The following SBNO2 variants were observed in gnomAD, a reference collection of about 807,000 sequenced individuals.
The protein encoded by SBNO2 is strawberry notch homolog 2.
Under a neutral mutation model 146.3 loss-of-function variants are expected in SBNO2, and 89 were observed. The observed-to-expected ratio is 0.61, with a 90% CI of 0.51 to 0.73. SBNO2 has a LOEUF of 0.73. Among genes scored for constraint, SBNO2 ranks in the 30% least tolerant of loss-of-function variants. The pLI, the probability that SBNO2 is intolerant of heterozygous loss-of-function variation, is 0.00. For synonymous variants in SBNO2, 1,147 were observed against 892.6 expected (o/e 1.29, Z -5.08); for missense variants, 2,092 against 2,003.7 (o/e 1.04, Z -0.84).
At chr19:1,168,707 G>A (rs1383457036) in intron 1 of SBNO2, 1 of 152,290 alleles carries the variant, frequency 6.6e-6, no homozygotes, top group Non-Finnish European at 1.5e-5. Context: ...ACATGCAAAG[G>A]AAGACGCCTC....
In SBNO2 at chr19:1,136,535, G is replaced by T. The variant is rs929469391; in HGVS notation, c.280-8770C>A. Among the ~76,000 whole-genome samples the T allele has an allele frequency of 6.6e-6, 1 of 152,244 alleles. No homozygotes were observed. The highest frequency in any genetic ancestry group is 2.4e-5 in the African/African-American group (1 of 41,462). On this transcript the variant is annotated intron_variant, in intron 4 of 31. Transcript: ENST00000361757. The surrounding 1 kb of genome is among the most constrained non-coding windows in gnomAD (Gnocchi z 4.2). ...GGCGGAGGCTCCTCCTCCCGGGGGGGCTGTGGCCTCAGCACAGACCAGGGG... is the reference window on the plus strand; with the variant it reads ...GGCGGAGGCTCCTCCTCCCGGGGGGTCTGTGGCCTCAGCACAGACCAGGGG...
intron 17 of SBNO2, 114 bp downstream of exon 17, chr19:1,115,907 C>T (rs1258311741): frequency 1.4e-5 from 12 of 851,228 alleles, no homozygotes; most frequent in Admixed American, 2.0e-5. Flanking sequence ...CGGACAGGAC[C>T]TGCATTTGGC....
At chr19:1,172,838 C>A (rs2080493950) in intron 1 of SBNO2, among the ~76,000 whole-genome samples, 1 of 146,652 alleles carries the variant, frequency 6.8e-6, no homozygotes, top group Non-Finnish European at 1.5e-5. Context: ...CGAGGCCGGG[C>A]ACTCTCGCTG....
rs1244242024 is a variant in SBNO2 at position 1,146,827 on chromosome 19, CTGATGCCGCAGTGGGAGGCTGGG to C, written c.279+459_279+481del. ...CTGGGAGGGTGGGGGTGGGGTCCGC[CTGATGCCGCAGTGGGAGGCTGGG>C]AGCCTCCCCGCGACCCTGGGGAGAA... On this transcript the variant is annotated intron_variant, in intron 4 of 31. Transcript: ENST00000361757. Among the ~76,000 whole-genome samples the C allele has an allele frequency of 2.0e-5, 3 of 150,820 alleles. No individual in the cohort carries two copies. The East Asian group carries it at 6.0e-4, about 30-fold the overall frequency.
In SBNO2 at chr19:1,109,462, C is replaced by A; in HGVS notation, c.3217-39G>T. On this transcript the variant is annotated intron_variant, in intron 28 of 31. Coordinates refer to ENST00000361757, the MANE Select transcript of SBNO2 (RefSeq NM_014963.3). This position sits in a 1 kb window ranked among gnomAD's most constrained non-coding sequence, Gnocchi z 4.2. ...CGTTGAGGCCGCGCCCCGGTCCGCCCCCCGCGGGCCCTCCTCTGGGGGGGT... is the reference window on the plus strand; with the variant it reads ...CGTTGAGGCCGCGCCCCGGTCCGCCACCCGCGGGCCCTCCTCTGGGGGGGT... The A allele has an allele frequency of 1.3e-6, 2 of 1,566,524 alleles. No individual in the cohort carries two copies. Among genetic ancestry groups the A allele is most frequent in the Non-Finnish European group, 8.6e-7 (1 of 1,157,004 alleles).
intron 4 of SBNO2, among the ~76,000 whole-genome samples, chr19:1,139,205 G>A (rs2080112808): frequency 6.6e-6 from 1 of 152,212 alleles, no homozygotes; most frequent in Admixed American, 6.5e-5. Flanking sequence ...GATGTACCTT[G>A]AGGACATCAC....
chr19:1,139,334 G>A (rs2080114030), intron 4 of SBNO2, among the ~76,000 whole-genome samples: 1 of 152,182 alleles, frequency 6.6e-6, no homozygotes, highest in African/African-American at 2.4e-5. Context: ...CCGGGGCAGG[G>A]GAGGGATGGG....
At chr19:1,129,799 C>T (rs2080007705) in intron 4 of SBNO2, among the ~76,000 whole-genome samples, 1 of 152,138 alleles carries the variant, frequency 6.6e-6, no homozygotes, top group South Asian at 2.1e-4. Flanking sequence ...GCAGGCAGAG[C>T]GGAGGAGAGC....
intron 17 of SBNO2, chr19:1,115,328 C>T: frequency 6.6e-6 from 1 of 151,990 alleles, no homozygotes; most frequent in Non-Finnish European, 1.5e-5. Context: ...GCAATCTCCA[C>T]CTCTCAGGTT....
In SBNO2 at chr19:1,136,075, G is replaced by A. The variant is rs938179657; in HGVS notation, c.280-8310C>T. ...TGTTCTGTGCCTGGTGTCCTCATTC[G>A]AAGGAGACACAGTCCCGGGGAGGAG... On this transcript the variant is annotated intron_variant, in intron 4 of 31. Transcript: ENST00000361757. The surrounding 1 kb of genome is among the most constrained non-coding windows in gnomAD (Gnocchi z 4.2). 3.9e-5 allele frequency among the ~76,000 whole-genome samples: 6 copies of A among 152,082 alleles called. No homozygotes were observed. Among genetic ancestry groups the A allele is most frequent in the Admixed American group, 2.0e-4 (3 of 15,272 alleles).
chr19:1,127,010 A>G (rs1377463017), intron 5 of SBNO2, among the ~76,000 whole-genome samples: 1 of 152,024 alleles, frequency 6.6e-6, no homozygotes. Context: ...CCAGCCCCTC[A>G]GCCCCCACGG....
chr19:1,123,481 C>T, intron 7 of SBNO2, 53 bp downstream of exon 7: 1 of 1,504,386 alleles, frequency 6.6e-7, no homozygotes, highest in Admixed American at 1.7e-5. Flanking sequence ...GGGTCTCGGT[C>T]CCACAAAAGG....
Position 1,108,227 on chromosome 19 carries a change from G to A in SBNO2, c.4094C>T (p.Pro1365Leu), listed in dbSNP as rs1338021741. The A allele has an allele frequency of 1.9e-5, 29 of 1,527,264 alleles. No homozygotes were observed. The highest frequency in any genetic ancestry group is 2.6e-5 in the Non-Finnish European group (29 of 1,135,350). 94.6% of individuals were successfully genotyped at this position (1,527,264 alleles called of 1,614,324 possible). Residue 1365 changes from proline (P) to leucine (L), a missense_variant, in exon 32 of 32, where the codon CCT (proline) becomes CTT (leucine). Pro to Leu is a moderately conservative substitution (Grantham distance 98). Coordinates refer to ENST00000361757, the MANE Select transcript of SBNO2 (RefSeq NM_014963.3). ...GTTTCGCCTAAAGGCGTGTCAGAGA[G>A]GAGCCTGGGCGCCGGGGAAGGGTGG... The part of the protein sequence containing the change: ...FSPPFPGAQA[P>L]L
At chr19:1,154,799 C>T (rs1297580457) in intron 1 of SBNO2, among the ~76,000 whole-genome samples, 2 of 152,170 alleles carry the variant, frequency 1.3e-5, no homozygotes, top group Non-Finnish European at 2.9e-5. Flanking sequence ...AACCCGGGCC[C>T]GGCACCCAGG....
rs775103299 is a variant in SBNO2 at position 1,114,242 on chromosome 19, C to A, written c.2066G>T (p.Ser689Ile). The change falls in exon 18 of 32, where the codon AGT becomes ATT. Residue 689 changes from serine (S) to isoleucine (I), a missense_variant. Coordinates refer to ENST00000361757, the MANE Select transcript of SBNO2 (RefSeq NM_014963.3). ...VVIVDAVGLP[S>I]DDRGPLCLLQ... Reference sequence around the variant, plus strand: ...GGGCAAGCCCTCACCCCGGTCGTCACTGGGGAGCCCGACTGCATCAACGAT... The same window carrying A: ...GGGCAAGCCCTCACCCCGGTCGTCAATGGGGAGCCCGACTGCATCAACGAT... 3.7e-5 allele frequency: 56 copies of A among 1,516,234 alleles called. 1 individual carries two copies. Among genetic ancestry groups the A allele is most frequent in the South Asian group, 2.7e-4 (22 of 80,520 alleles). The allele number at this position is 1,516,234 out of a possible 1,614,324, so 93.9% of individuals were successfully genotyped here.
chr19:1,111,139 C>T (rs998867957), intron 24 of SBNO2, 46 bp from the exon 25 acceptor site: 2 of 1,526,170 alleles, frequency 1.3e-6, no homozygotes, highest in Non-Finnish European at 1.8e-6. Context: ...ACCCCTGCCC[C>T]TCCCTCGAAG....
At position 1,109,464 on chromosome 19, in the gene SBNO2, C is replaced by A. The variant is rs772310237; in HGVS notation, c.3217-41G>T. ...TTGAGGCCGCGCCCCGGTCCGCCCC[C>A]CGCGGGCCCTCCTCTGGGGGGGTAA... is the stretch of plus-strand genomic sequence containing the variant. On this transcript the variant is annotated intron_variant, in intron 28 of 31. Coordinates refer to ENST00000361757, the MANE Select transcript of SBNO2 (RefSeq NM_014963.3). The surrounding 1 kb of genome is among the most constrained non-coding windows in gnomAD (Gnocchi z 4.2). 1.2e-5 allele frequency: 19 copies of A among 1,567,428 alleles called. No homozygotes were observed. In the African/African-American group the frequency reaches 1.5e-4, roughly 12 times the overall value.
In SBNO2 at chr19:1,109,009, A is replaced by G. The variant is rs562164106; in HGVS notation, c.3426-40T>C. 264 of 1,486,306 alleles carry G rather than the reference A, an allele frequency of 1.8e-4. 5 individuals are homozygous for G. The South Asian group carries it at 3.2e-3, about 18-fold the overall frequency. The allele number at this position is 1,486,306 out of a possible 1,614,324, so 92.1% of individuals were successfully genotyped here. ...GGTCGTCTCGGCTCAGGCGGGTCCCAGGGGCCCGCAGGCTCCCCAGGTGCC... is the reference window on the plus strand; with the variant it reads ...GGTCGTCTCGGCTCAGGCGGGTCCCGGGGGCCCGCAGGCTCCCCAGGTGCC... On this transcript the variant is annotated intron_variant, in intron 30 of 31. Coordinates refer to ENST00000361757, the MANE Select transcript of SBNO2 (RefSeq NM_014963.3). This position sits in a 1 kb window ranked among gnomAD's most constrained non-coding sequence, Gnocchi z 4.2.
In SBNO2 at chr19:1,122,799, C is replaced by G. The variant is rs1428525799; in HGVS notation, c.781-8G>C. ...GAGCAGGACCTCGTGTTGCTGTTGC[C>G]GGAGAGCAGGCGTCAGGGCCTGGGG... On this transcript the variant is annotated splice_region_variant and splice_polypyrimidine_tract_variant and intron_variant, in intron 8 of 31. Coordinates refer to ENST00000361757, the MANE Select transcript of SBNO2 (RefSeq NM_014963.3). The G allele has an allele frequency of 3.3e-6, 5 of 1,537,950 alleles. No homozygotes were observed. Among genetic ancestry groups the G allele is most frequent in the Admixed American group, 2.0e-5 (1 of 50,942 alleles).
Sources: gnomAD v4.1 joint callset for allele counts (sites outside exome capture counted in the v4.1 genomes callset) on GRCh38, gnomAD v4.1.1 for gene constraint, Gnocchi (gnomAD v3.1) non-coding constraint, MANE v1.5 for transcripts, NCBI Gene and HGNC (gene_info 2026-07-23, HGNC 2026-07-21) for gene names.